EPB41: variants seen among roughly 807,000 people sequenced by gnomAD.
EPB41 encodes erythrocyte membrane protein band 4.1.
EPB41 carries 65 observed loss-of-function variants against 108.0 expected under a neutral mutation model. The observed-to-expected ratio is 0.60, with a 90% CI of 0.49 to 0.74. The LOEUF is 0.74. EPB41 is among the 30% of genes least tolerant of loss of function. The pLI, the probability that EPB41 is intolerant of heterozygous loss-of-function variation, is 0.00. For missense variants in EPB41, 875 were observed against 1,037.0 expected (o/e 0.84, Z 2.15); for synonymous variants, 336 against 358.9 (o/e 0.94, Z 0.72).
At chr1:28,920,037 T>C (rs1401916113) in intron 1 of EPB41, among the ~76,000 whole-genome samples, 1 of 152,026 alleles carries the variant, frequency 6.6e-6, no homozygotes, top group Non-Finnish European at 1.5e-5. Context: ...GAGATTAAAA[T>C]TGTTTCTAAG....
chr1:28,973,521 C>T (rs1015613104), intron 1 of EPB41, among the ~76,000 whole-genome samples: 1 of 152,122 alleles, frequency 6.6e-6, no homozygotes, highest in South Asian at 2.1e-4. Flanking sequence ...TCCCAGATAG[C>T]TATGACTACA....
intron 1 of EPB41, among the ~76,000 whole-genome samples, chr1:28,917,966 C>CA (rs1553164437): frequency 2.0e-5 from 3 of 151,874 alleles, no homozygotes; most frequent in South Asian, 4.2e-4. Flanking sequence ...AGTTTGCTTA[C>CA]TTTTTTTTAA....
chr1:29,050,319 T>C (rs1024196194), intron 11 of EPB41, among the ~76,000 whole-genome samples: 7 of 152,254 alleles, frequency 4.6e-5, no homozygotes, highest in African/African-American at 1.7e-4. Flanking sequence ...CTAGGAATGC[T>C]GAAGACATAA....
At position 29,087,608 on chromosome 1, in the gene EPB41, G is replaced by A. The variant is rs56292214; in HGVS notation, c.2185-10199G>A. ...AACTCCCAACCTCCGATGATCACCCGCCTTGGCCTCCCAAAGTGCTGGGAT... is the reference window on the plus strand; with the variant it reads ...AACTCCCAACCTCCGATGATCACCCACCTTGGCCTCCCAAAGTGCTGGGAT... On this transcript the variant is annotated intron_variant, in intron 16 of 20. Transcript: ENST00000343067. Among the ~76,000 whole-genome samples, 125 of 152,136 alleles carry A rather than the reference G, an allele frequency of 8.2e-4. 1 individual carries two copies. The highest frequency in any genetic ancestry group is 2.5e-3 in the African/African-American group (103 of 41,502).
chr1:28,902,451 A>C (rs2091404867), intron 1 of EPB41: 1 of 909,074 alleles, frequency 1.1e-6, no homozygotes, highest in Non-Finnish European at 1.3e-6. Context: ...CATAGCAGAG[A>C]GCTGTGCTAG....
intron 16 of EPB41, among the ~76,000 whole-genome samples, chr1:29,085,949 T>C (rs1374623568): frequency 6.6e-6 from 1 of 152,228 alleles, no homozygotes; most frequent in Non-Finnish European, 1.5e-5. Flanking sequence ...AGTTACTAGC[T>C]TATAATTCTT....
chr1:28,929,230 AT>A (rs543860349), intron 1 of EPB41, among the ~76,000 whole-genome samples: 210 of 141,232 alleles, frequency 1.5e-3, no homozygotes, highest in Admixed American at 2.0e-3. Context: ...AATTTTTACT[AT>A]TTTTTTTTTT....
At chr1:28,906,113 G>A (rs965825779) in intron 1 of EPB41, among the ~76,000 whole-genome samples, 6 of 152,008 alleles carry the variant, frequency 3.9e-5, no homozygotes, top group African/African-American at 1.4e-4. Flanking sequence ...GCCACTGTGC[G>A]TGGCCCCAAT....
chr1:29,012,941 A>G (rs952637866), intron 5 of EPB41, among the ~76,000 whole-genome samples: 3 of 152,204 alleles, frequency 2.0e-5, no homozygotes, highest in African/African-American at 4.8e-5. Context: ...GCTCCTTTCA[A>G]TGAAAATACT....
At chr1:28,913,910 G>C (rs1021927589), upstream of EPB41, among the ~76,000 whole-genome samples, 1 of 152,176 alleles carries the variant, frequency 6.6e-6, no homozygotes, top group Non-Finnish European at 1.5e-5. Context: ...GATTGCCAGG[G>C]GGGAATTAGG....
intron 1 of EPB41, among the ~76,000 whole-genome samples, chr1:28,903,817 T>C (rs10915208): frequency 0.13 from 19,291 of 152,132 alleles, 1,495 homozygotes; most frequent in East Asian, 0.37. Flanking sequence ...GGTGAAGTTC[T>C]GATTTGAACC....
chr1:28,920,268 A>G (rs1398670076), intron 1 of EPB41, among the ~76,000 whole-genome samples: 1 of 152,248 alleles, frequency 6.6e-6, no homozygotes, highest in African/African-American at 2.4e-5. Context: ...ATATCTATTA[A>G]TAGAGACAGG....
intron 1 of EPB41, among the ~76,000 whole-genome samples, chr1:28,896,408 A>G (rs2090665004): frequency 6.6e-6 from 1 of 151,798 alleles, no homozygotes; most frequent in Admixed American, 6.6e-5. Flanking sequence ...GTAAGAATGT[A>G]CCTCCCTTTT....
intron 1 of EPB41, 116 bp downstream of exon 1, chr1:28,914,884 G>T: frequency 6.6e-6 from 1 of 152,334 alleles, no homozygotes; most frequent in South Asian, 1.9e-4. Context: ...TGCAACCCCC[G>T]ACAGGCCCCG....
chr1:29,060,415 T>G lies in EPB41; in HGVS notation c.1945-7T>G, dbSNP rs1487655845. The G allele has an allele frequency of 6.2e-7, 1 of 1,611,918 alleles. No homozygotes were observed. Among genetic ancestry groups the G allele is most frequent in the Admixed American group, 1.7e-5 (1 of 60,006 alleles). ...CTTTTCTGTTTTCCCCCCTTTCATT[T>G]TCACAGAAAAAGAGAGAAAGACTAG... On this transcript the variant is annotated splice_region_variant and splice_polypyrimidine_tract_variant and intron_variant, in intron 14 of 20. Transcript: ENST00000343067.
At position 29,033,251 on chromosome 1, in the gene EPB41, G is replaced by C. The variant is rs534944347; in HGVS notation, c.1365+6G>C. 2 of 1,613,694 alleles carry C rather than the reference G, an allele frequency of 1.2e-6. No homozygotes were observed. The highest frequency in any genetic ancestry group is 4.5e-5 in the East Asian group (2 of 44,842). On this transcript the variant is annotated splice_donor_region_variant and intron_variant, in intron 9 of 20. Transcript: ENST00000343067. ...TCAAGATTCGGCCTGGAGAGGTACA[G>C]AATTTATATTTCCTTCCTCCCAAAC...
chr1:29,032,890 G>A (rs1035112339), intron 8 of EPB41, among the ~76,000 whole-genome samples: 3 of 152,080 alleles, frequency 2.0e-5, no homozygotes, highest in African/African-American at 7.2e-5. Flanking sequence ...AGTATACATA[G>A]CTCTAAGCCC....
At chr1:28,942,476 A>C (rs1489387097) in intron 1 of EPB41, among the ~76,000 whole-genome samples, 1 of 152,244 alleles carries the variant, frequency 6.6e-6, no homozygotes, top group East Asian at 1.9e-4. Flanking sequence ...CATTTGTTAG[A>C]AAGAATATTA....
At chr1:29,058,484 C>T (rs1187343075) in intron 12 of EPB41, 105 bp from the exon 13 acceptor site, 20 of 973,402 alleles carry the variant, frequency 2.1e-5, no homozygotes, top group South Asian at 8.3e-5. Context: ...TACGTATCAG[C>T]GTATTTCACA....
Sources: gnomAD v4.1 joint callset for allele counts (sites outside exome capture counted in the v4.1 genomes callset) on GRCh38, gnomAD v4.1.1 for gene constraint, MANE v1.5 for transcripts, NCBI Gene and HGNC (gene_info 2026-07-23, HGNC 2026-07-21) for gene names.